Variants in FILIP1L observed in about 807,000 individuals in gnomAD.
FILIP1L encodes the protein filamin A interacting protein 1 like, also known as filamin A-interacting protein 1-like.
Under a neutral mutation model 96.6 loss-of-function variants are expected in FILIP1L, and 55 were observed. That is an observed-to-expected ratio of 0.57 (90% CI 0.46 to 0.71). The LOEUF is 0.71. FILIP1L is among the 30% of genes least tolerant of loss of function. The pLI is 0.00. For missense variants in FILIP1L, 1,304 were observed against 1,321.2 expected, an observed-to-expected ratio of 0.99 and a Z score of 0.20; for synonymous variants, 467 against 473.9, an observed-to-expected ratio of 0.99 and a Z score of 0.19.
chr3:99,942,801 C>T (rs926645653), intron 1 of FILIP1L, among the ~76,000 whole-genome samples: 9 of 151,894 alleles, frequency 5.9e-5, no homozygotes, highest in Admixed American at 5.2e-4. Flanking sequence ...TGCACTCTAG[C>T]CTCGGCGACA....
chr3:99,876,230 A>G, intron 4 of FILIP1L: 3 of 985,224 alleles, frequency 3.0e-6, no homozygotes, highest in Non-Finnish European at 3.6e-6. Context: ...TCTGCCTTAT[A>G]AGGCGCTCCG....
chr3:99,861,759 G>C (rs868555837), intron 4 of FILIP1L, among the ~76,000 whole-genome samples: 40 of 152,164 alleles, frequency 2.6e-4, no homozygotes, highest in African/African-American at 8.9e-4. Flanking sequence ...CAATAGGAAC[G>C]AGACAGTGGA....
chr3:99,873,126 T>A lies in FILIP1L; in HGVS notation c.606-22056A>T, dbSNP rs555288514. Among the ~76,000 whole-genome samples, 29 of 152,276 alleles carry A rather than the reference T, an allele frequency of 1.9e-4. No homozygotes were observed. In the East Asian group the frequency reaches 5.6e-3, roughly 29 times the overall value. ...CTGGGTTGGTGGCTAGAAAATGTTG[T>A]GGTGATGACAGCAGCAACCACAGAA... is the stretch of plus-strand genomic sequence containing the variant. On this transcript the variant is annotated intron_variant, in intron 4 of 5. Coordinates refer to ENST00000477258, the MANE Select transcript of FILIP1L (RefSeq NM_001387850.1).
intron 1 of FILIP1L, among the ~76,000 whole-genome samples, chr3:100,048,190 A>G (rs1463838632): frequency 6.6e-6 from 1 of 152,216 alleles, no homozygotes; most frequent in Non-Finnish European, 1.5e-5. Flanking sequence ...CCCTCAGGGA[A>G]GGGGACAGAT....
chr3:99,964,824 A>C (rs924215177), intron 1 of FILIP1L, among the ~76,000 whole-genome samples: 1 of 152,140 alleles, frequency 6.6e-6, no homozygotes, highest in African/African-American at 2.4e-5. Flanking sequence ...CACACCTCTC[A>C]TCTACTATGC....
At chr3:100,068,370 GT>G (rs2065702758) in intron 1 of FILIP1L, among the ~76,000 whole-genome samples, 1 of 152,100 alleles carries the variant, frequency 6.6e-6, no homozygotes, top group Non-Finnish European at 1.5e-5. Flanking sequence ...GTGTGTGTGT[GT>G]GTGTGTGTGT....
At chr3:100,037,961 G>GA (rs1293985998) in intron 1 of FILIP1L, among the ~76,000 whole-genome samples, 1 of 132,460 alleles carries the variant, frequency 7.5e-6, no homozygotes, top group African/African-American at 2.9e-5. Context: ...TTTTTTGGGG[G>GA]GGGAGGGAAC....
chr3:99,933,967 CT>C (rs918677082), intron 1 of FILIP1L, among the ~76,000 whole-genome samples: 1 of 152,204 alleles, frequency 6.6e-6, no homozygotes, highest in Non-Finnish European at 1.5e-5. Flanking sequence ...CTTCAGCTTT[CT>C]TACAGCTATT....
At chr3:99,863,650 A>G (rs1576525605) in intron 4 of FILIP1L, among the ~76,000 whole-genome samples, 1 of 152,196 alleles carries the variant, frequency 6.6e-6, no homozygotes, top group East Asian at 1.9e-4. Flanking sequence ...AACTCTTTAA[A>G]TTTCAATTAT....
intron 4 of FILIP1L, among the ~76,000 whole-genome samples, chr3:99,879,122 A>G (rs1336190761): frequency 6.6e-6 from 1 of 152,164 alleles, no homozygotes; most frequent in African/African-American, 2.4e-5. Flanking sequence ...GGTCCTTTCT[A>G]CAATTAGTAA....
chr3:99,979,304 G>T (rs573592739), intron 1 of FILIP1L, among the ~76,000 whole-genome samples: 22 of 151,990 alleles, frequency 1.4e-4, no homozygotes, highest in African/African-American at 5.3e-4. Context: ...TCTCTTTATG[G>T]CCTTCTTTTG....
At chr3:99,835,929 T>C (rs1222964601) in intron 5 of FILIP1L, among the ~76,000 whole-genome samples, 1 of 152,118 alleles carries the variant, frequency 6.6e-6, no homozygotes, top group Non-Finnish European at 1.5e-5. Context: ...AACAGCATGA[T>C]CAAAGGTAAG....
chr3:99,935,290 T>A (rs1320076813), intron 1 of FILIP1L, among the ~76,000 whole-genome samples: 2 of 152,008 alleles, frequency 1.3e-5, no homozygotes, highest in Admixed American at 1.3e-4. Context: ...GAAAGTTGCT[T>A]TTTGTGTATG....
chr3:100,079,881 G>A (rs953058042), intron 1 of FILIP1L, among the ~76,000 whole-genome samples: 2 of 151,762 alleles, frequency 1.3e-5, no homozygotes, highest in Admixed American at 1.3e-4. Context: ...AATAAACATA[G>A]ATGTTGGGAT....
chr3:99,962,147 G>A (rs1708512791), intron 1 of FILIP1L, among the ~76,000 whole-genome samples: 1 of 152,196 alleles, frequency 6.6e-6, no homozygotes, highest in Admixed American at 6.5e-5. Context: ...TGGCTTGCTG[G>A]AAAGGCTGAA....
chr3:99,837,014 A>C (rs888288355), intron 5 of FILIP1L, among the ~76,000 whole-genome samples: 9 of 152,252 alleles, frequency 5.9e-5, no homozygotes, highest in Non-Finnish European at 1.0e-4. Flanking sequence ...TTTGGCCTAA[A>C]AAAATAGTAA....
At position 99,829,846 on chromosome 3, in the gene FILIP1L, G is replaced by A. The variant is rs951416430; in HGVS notation, c.*568C>T. Among the ~76,000 whole-genome samples, 4 of 152,118 alleles carry A rather than the reference G, an allele frequency of 2.6e-5. No individual in the cohort carries two copies. Among genetic ancestry groups the A allele is most frequent in the Non-Finnish European group, 4.4e-5 (3 of 67,994 alleles). On this transcript the variant is annotated 3_prime_UTR_variant, in exon 6 of 6. Coordinates refer to ENST00000477258, the MANE Select transcript of FILIP1L (RefSeq NM_001387850.1). Reference sequence around the variant, plus strand: ...GGTATTCTGCACAAAGGATATATTCGGCTGTTATTCACTTTTGTTATGCTT... The same window carrying A: ...GGTATTCTGCACAAAGGATATATTCAGCTGTTATTCACTTTTGTTATGCTT...
chr3:99,917,520 G>A (rs1706990799), intron 4 of FILIP1L, among the ~76,000 whole-genome samples: 1 of 151,902 alleles, frequency 6.6e-6, no homozygotes, highest in African/African-American at 2.4e-5. Context: ...TTTTATCTTG[G>A]GCTTGAGAGG....
chr3:100,043,359 T>C (rs1047862678), intron 1 of FILIP1L, among the ~76,000 whole-genome samples: 1 of 152,360 alleles, frequency 6.6e-6, no homozygotes, highest in Non-Finnish European at 1.5e-5. Context: ...TTTTCAGCTA[T>C]ATTAAATATT....
Sources: allele counts gnomAD v4.1 joint callset (sites outside exome capture counted in the v4.1 genomes callset), GRCh38; gene constraint gnomAD v4.1.1; transcripts MANE v1.5; gene names NCBI Gene and HGNC (gene_info 2026-07-23, HGNC 2026-07-21).